The following TOM1L1 variants were observed in gnomAD, a reference collection of about 807,000 sequenced individuals.
TOM1L1 encodes TOM1-like protein 1.
TOM1L1 carries 64 observed loss-of-function variants against 63.4 expected under a neutral mutation model. The observed-to-expected ratio is 1.01, with a 90% CI of 0.83 to 1.24. TOM1L1 has a LOEUF of 1.24. Among genes scored for constraint, TOM1L1 ranks in the 50% most tolerant of loss-of-function variants. TOM1L1 has a pLI of 0.00. For missense variants in TOM1L1, 536 were observed against 567.0 expected (o/e 0.95, Z 0.55); for synonymous variants, 166 against 194.4 (o/e 0.85, Z 1.22).
At chr17:54,929,970 C>CT (rs760773918) in intron 7 of TOM1L1, 103 bp from the exon 8 acceptor site, 1 of 1,456,806 alleles carries the variant, frequency 6.9e-7, no homozygotes, top group Non-Finnish European at 9.4e-7. Flanking sequence ...CCACAGGCTA[C>CT]TTAACGTGGA....
At chr17:54,922,835 T>G (rs901927149) in intron 7 of TOM1L1, among the ~76,000 whole-genome samples, 1 of 152,148 alleles carries the variant, frequency 6.6e-6, no homozygotes, top group Non-Finnish European at 1.5e-5. Context: ...TTCAACAGTA[T>G]TTCCTCTATT....
intron 14 of TOM1L1, among the ~76,000 whole-genome samples, chr17:54,951,030 G>A (rs1267223552): frequency 6.6e-6 from 1 of 152,068 alleles, no homozygotes; most frequent in Non-Finnish European, 1.5e-5. Context: ...CCCACAGGTT[G>A]AGAGCTCAGT....
chr17:54,955,346 G>C (rs568845444), intron 14 of TOM1L1, among the ~76,000 whole-genome samples: 22 of 152,274 alleles, frequency 1.4e-4, no homozygotes, highest in African/African-American at 4.8e-4. Flanking sequence ...AGTGAGTGAG[G>C]TGTTTCCTCA....
chr17:54,933,164 A>G (rs151034995), intron 8 of TOM1L1, among the ~76,000 whole-genome samples: 1 of 152,224 alleles, frequency 6.6e-6, no homozygotes, highest in Non-Finnish European at 1.5e-5. Flanking sequence ...AGGAGAATCC[A>G]TCTTCCTAGC....
intron 3 of TOM1L1, among the ~76,000 whole-genome samples, chr17:54,908,177 A>G (rs760944122): frequency 4.6e-5 from 7 of 152,196 alleles, no homozygotes; most frequent in Non-Finnish European, 1.0e-4. Context: ...CAAGAGTCAC[A>G]AGTCATAGGT....
intron 7 of TOM1L1, among the ~76,000 whole-genome samples, chr17:54,926,903 G>T (rs2048778451): frequency 6.6e-6 from 1 of 152,178 alleles, no homozygotes; most frequent in South Asian, 2.1e-4. Flanking sequence ...TTCTCATTTT[G>T]AACCCAGGAC....
rs1162290236 is a variant in TOM1L1, at chr17:54,961,701, G to C, written c.*468G>C. On this transcript the variant is annotated 3_prime_UTR_variant, in exon 16 of 16. Coordinates refer to ENST00000575882, the MANE Select transcript of TOM1L1 (RefSeq NM_005486.3). Reference sequence around the variant, plus strand: ...TAAAGTTGAATGTAAAAGTCAATTTGCACTTCTTTATAATCCTCTGGTTTA... The same window carrying C: ...TAAAGTTGAATGTAAAAGTCAATTTCCACTTCTTTATAATCCTCTGGTTTA... 9.6e-7 allele frequency: 1 copy of C among 1,041,464 alleles called. No individual in the cohort carries two copies. The highest frequency in any genetic ancestry group is 1.2e-6 in the Non-Finnish European group (1 of 865,426). 64.5% of individuals were successfully genotyped at this position (1,041,464 alleles called of 1,614,324 possible).
At chr17:54,916,897 A>T (rs940255703) in intron 7 of TOM1L1, 1 of 152,322 alleles carries the variant, frequency 6.6e-6, no homozygotes, top group East Asian at 1.9e-4. Context: ...TGTTAAATGC[A>T]GGTTAGTTTA....
chr17:54,932,961 G>A (rs184276374), intron 8 of TOM1L1, among the ~76,000 whole-genome samples: 37 of 152,324 alleles, frequency 2.4e-4, no homozygotes, highest in African/African-American at 8.7e-4. Context: ...GATTACTTCT[G>A]TGAACAGCTT....
At chr17:54,940,085 G>C (rs1447680678) in intron 11 of TOM1L1, among the ~76,000 whole-genome samples, 1 of 152,128 alleles carries the variant, frequency 6.6e-6, no homozygotes, top group Non-Finnish European at 1.5e-5. Flanking sequence ...TAGTAGAGGT[G>C]AGGTTTTGCC....
intron 8 of TOM1L1, among the ~76,000 whole-genome samples, chr17:54,934,476 G>C (rs1045717549): frequency 6.6e-6 from 1 of 152,080 alleles, no homozygotes; most frequent in Non-Finnish European, 1.5e-5. Context: ...TGTGAGGGTG[G>C]GCGTTACTGT....
intron 3 of TOM1L1, among the ~76,000 whole-genome samples, chr17:54,910,111 C>T (rs2048473485): frequency 6.6e-6 from 1 of 152,122 alleles, no homozygotes; most frequent in Non-Finnish European, 1.5e-5. Context: ...GCATGTACCT[C>T]CTGGGAGTCT....
chr17:54,931,949 G>GTTTTTTT (rs10632110), intron 8 of TOM1L1, among the ~76,000 whole-genome samples: 149 of 121,374 alleles, frequency 1.2e-3, no homozygotes, highest in South Asian at 2.1e-3. Context: ...TTTTTTCTTC[G>GTTTTTTT]TTTTTTTTTT....
chr17:54,944,881 C>A (rs188347528), intron 11 of TOM1L1, among the ~76,000 whole-genome samples: 88 of 152,074 alleles, frequency 5.8e-4, no homozygotes, highest in Non-Finnish European at 8.7e-4. Context: ...GTATGGATTT[C>A]TTTTGTTTCT....
At chr17:54,953,426 G>A (rs1419575614) in intron 14 of TOM1L1, 1 of 152,342 alleles carries the variant, frequency 6.6e-6, no homozygotes, top group African/African-American at 2.4e-5. Context: ...GGGGCTCCTT[G>A]GGGGAGATGT....
At chr17:54,910,617 G>A (rs1300960492) in intron 3 of TOM1L1, among the ~76,000 whole-genome samples, 1 of 152,166 alleles carries the variant, frequency 6.6e-6, no homozygotes. Context: ...TTCCTTTTAG[G>A]ATTTCGCCCG....
chr17:54,957,703 T>C (rs745313972), intron 14 of TOM1L1: 1 of 152,184 alleles, frequency 6.6e-6, no homozygotes, highest in Non-Finnish European at 1.5e-5. Flanking sequence ...TTTCACATCA[T>C]TGGTTGTCCA....
At chr17:54,936,080 A>G (rs1598039287) in intron 8 of TOM1L1, among the ~76,000 whole-genome samples, 1 of 151,424 alleles carries the variant, frequency 6.6e-6, no homozygotes, top group Non-Finnish European at 1.5e-5. Flanking sequence ...CCAAGATTGC[A>G]CCTTTGTATT....
At chr17:54,952,763 CAT>C (rs994534681) in intron 14 of TOM1L1, 3 of 152,176 alleles carry the variant, frequency 2.0e-5, no homozygotes, top group African/African-American at 7.2e-5. Context: ...GCCAAGGAGT[CAT>C]ATGAGGCCCC....
Sources: gnomAD v4.1 joint callset for allele counts (sites outside exome capture counted in the v4.1 genomes callset) on GRCh38, gnomAD v4.1.1 for gene constraint, MANE v1.5 for transcripts, NCBI Gene and HGNC (gene_info 2026-07-23, HGNC 2026-07-21) for gene names.